Variants in BMP2K observed in about 807,000 individuals in gnomAD.
BMP2K encodes BMP-2-inducible protein kinase.
BMP2K carries 74 observed loss-of-function variants against 116.0 expected under a neutral mutation model. The observed-to-expected ratio is 0.64, with a 90% CI of 0.53 to 0.77. BMP2K has a LOEUF of 0.77. Ranked by LOEUF, BMP2K falls within the 30% of genes least tolerant of loss-of-function variation. BMP2K has a pLI of 0.00. For synonymous variants in BMP2K, 486 were observed against 502.5 expected (o/e 0.97, Z 0.44); for missense variants, 1,365 against 1,403.6 (o/e 0.97, Z 0.44).
intron 3 of BMP2K, among the ~76,000 whole-genome samples, chr4:78,840,354 G>A (rs1016462795): frequency 6.6e-6 from 1 of 152,012 alleles, no homozygotes; most frequent in African/African-American, 2.4e-5. Flanking sequence ...CATACAAAGG[G>A]AGGGACCCAA....
Position 78,872,765 on chromosome 4 carries a change from G to C in BMP2K, c.1760G>C (p.Gly587Ala), listed in dbSNP as rs758503240. 1 of 1,614,032 alleles carries C rather than the reference G, an allele frequency of 6.2e-7. No homozygotes were observed. The highest frequency in any genetic ancestry group is 2.2e-5 in the East Asian group (1 of 44,884). ...ACTTCATCACTTCCAGCTCAGGTTGGAACCATAATGGACTCCTCCTATAGT... is the reference window on the plus strand; with the variant it reads ...ACTTCATCACTTCCAGCTCAGGTTGCAACCATAATGGACTCCTCCTATAGT... The part of the protein sequence containing the change: ...SYTSSLPAQV[G>A]TIMDSSYSAN... Residue 587 changes from glycine to alanine, a missense_variant, in exon 13 of 16, where the codon GGA becomes GCA. By Grantham distance (60) the Gly-to-Ala change is moderately conservative. This residue lies in a region of BMP2K where 762 missense variants were observed against 756.7 expected (regional missense o/e 1.01). Coordinates refer to ENST00000502613, the MANE Select transcript of BMP2K (RefSeq NM_198892.2).
intron 15 of BMP2K, among the ~76,000 whole-genome samples, chr4:78,902,629 T>G (rs1249511054): frequency 6.6e-6 from 1 of 152,160 alleles, no homozygotes; most frequent in African/African-American, 2.4e-5. Flanking sequence ...GCCATTTATC[T>G]TCTATAATCT....
intron 1 of BMP2K, among the ~76,000 whole-genome samples, chr4:78,818,723 G>T (rs950822881): frequency 1.3e-5 from 2 of 150,546 alleles, no homozygotes; most frequent in South Asian, 4.2e-4. Flanking sequence ...ATCAAGCCAT[G>T]TATTCATTTC....
chr4:78,805,903 G>A (rs966610300), intron 1 of BMP2K, among the ~76,000 whole-genome samples: 4 of 152,140 alleles, frequency 2.6e-5, no homozygotes, highest in South Asian at 2.1e-4. Flanking sequence ...TCCGGGAGGC[G>A]GAGGTTGCGG....
chr4:78,884,153 G>T (rs149511027), intron 14 of BMP2K, among the ~76,000 whole-genome samples: 2 of 152,034 alleles, frequency 1.3e-5, no homozygotes, highest in African/African-American at 4.8e-5. Context: ...GCAACATAGA[G>T]CTTATCTCTA....
chr4:78,820,412 G>C (rs1000523544), intron 1 of BMP2K, among the ~76,000 whole-genome samples: 3 of 152,052 alleles, frequency 2.0e-5, no homozygotes, highest in Non-Finnish European at 4.4e-5. Context: ...TGTTCTATGT[G>C]CTGGGTATTT....
intron 1 of BMP2K, among the ~76,000 whole-genome samples, chr4:78,799,942 G>C (rs184286281): frequency 6.6e-6 from 1 of 152,160 alleles, no homozygotes; most frequent in Non-Finnish European, 1.5e-5. Flanking sequence ...AGATTTAGTC[G>C]ATGGAATATT....
intron 1 of BMP2K, among the ~76,000 whole-genome samples, chr4:78,795,600 C>CA (rs1728217423): frequency 6.6e-6 from 1 of 152,084 alleles, no homozygotes; most frequent in African/African-American, 2.4e-5. Flanking sequence ...AGTGAACAGA[C>CA]AACCTACAAA....
rs745602899 is a variant in BMP2K at position 78,829,787 on chromosome 4, T to TTTCTCTTCTCTTCTCTTCTCTTCTC, written c.297+3672_297+3696dup. Among the ~76,000 whole-genome samples the TTTCTCTTCTCTTCTCTTCTCTTCTC allele has an allele frequency of 2.9e-3, 252 of 86,632 alleles. 8 individuals are homozygous for TTTCTCTTCTCTTCTCTTCTCTTCTC. Among genetic ancestry groups the TTTCTCTTCTCTTCTCTTCTCTTCTC allele is most frequent in the East Asian group, 5.0e-3 (12 of 2,406 alleles). The allele number at this position is 86,632 out of a possible 152,430, so 56.8% of individuals were successfully genotyped here. A position where few individuals can be genotyped will look rare whatever the true frequency, so the allele number is the denominator to read the frequency against. The stretch of plus-strand genomic sequence containing the variant: ...TTTCTTTTCTTTTCTTTTCTTTTCT[T>TTTCTCTTCTCTTCTCTTCTCTTCTC]TTCTCTTCTCTTCTCTTCTCTTCTC... On this transcript the variant is annotated intron_variant, in intron 2 of 15. Coordinates refer to ENST00000502613, the MANE Select transcript of BMP2K (RefSeq NM_198892.2).
intron 15 of BMP2K, among the ~76,000 whole-genome samples, chr4:78,909,758 C>T (rs1482673746): frequency 6.6e-6 from 1 of 152,194 alleles, no homozygotes; most frequent in Non-Finnish European, 1.5e-5. Context: ...TTTCAGAGCA[C>T]TAGTCACAAT....
intron 15 of BMP2K, among the ~76,000 whole-genome samples, chr4:78,902,066 T>G (rs561143409): frequency 6.6e-6 from 1 of 152,222 alleles, no homozygotes; most frequent in Admixed American, 6.5e-5. Flanking sequence ...TACAATGAGG[T>G]GTATTGTTTA....
chr4:78,911,927 C>T lies in BMP2K; in HGVS notation c.3380C>T (p.Pro1127Leu). The change falls in exon 16 of 16, where the codon CCC (proline) becomes CTC (leucine). Residue 1127 changes from proline to leucine, a missense_variant. This residue lies in a region of BMP2K where 596 missense variants were observed against 623.2 expected (regional missense o/e 0.96). Transcript: ENST00000502613. ...VLKMDDFGAV[P>L]FTELVVQSIT... The stretch of plus-strand genomic sequence containing the variant: ...AAAATGGATGATTTTGGTGCCGTGC[C>T]CTTTACAGAACTTGTGGTGCAAAGC... The T allele has an allele frequency of 6.2e-7, 1 of 1,613,946 alleles. No homozygotes were observed. Among genetic ancestry groups the T allele is most frequent in the Non-Finnish European group, 8.5e-7 (1 of 1,179,870 alleles).
rs1488773371 is a variant in BMP2K, at chr4:78,912,352, G to C, written c.*319G>C. On this transcript the variant is annotated 3_prime_UTR_variant, in exon 16 of 16. Transcript: ENST00000502613. ...TTTCTAGGTGTGTAGCCACTGAGAA[G>C]GGACAGTGAAACTGTTATTTTTGAT... The C allele has an allele frequency of 4.0e-6, 1 of 247,176 alleles. No homozygotes were observed. Among genetic ancestry groups the C allele is most frequent in the Non-Finnish European group, 7.7e-6 (1 of 129,884 alleles). The allele number at this position is 247,176 out of a possible 1,614,324, so 15.3% of individuals were successfully genotyped here.
At chr4:78,880,606 A>G (rs895825673) in intron 14 of BMP2K, among the ~76,000 whole-genome samples, 2 of 152,204 alleles carry the variant, frequency 1.3e-5, no homozygotes, top group Non-Finnish European at 2.9e-5. Flanking sequence ...TAGAATTTGT[A>G]ATGACATCAA....
chr4:78,882,983 T>G (rs10518206), intron 14 of BMP2K, among the ~76,000 whole-genome samples: 9,793 of 152,144 alleles, frequency 0.064, 435 homozygotes, highest in East Asian at 0.22. Context: ...TTCATTAACC[T>G]TTTAGCCTTT....
At chr4:78,897,891 TGA>T (rs1174873234) in intron 15 of BMP2K, among the ~76,000 whole-genome samples, 5 of 152,196 alleles carry the variant, frequency 3.3e-5, no homozygotes, top group African/African-American at 7.2e-5. Context: ...TTGGTTAGGT[TGA>T]GAGAGTCATG....
At chr4:78,784,614 T>C (rs1727651399) in intron 1 of BMP2K, among the ~76,000 whole-genome samples, 2 of 152,244 alleles carry the variant, frequency 1.3e-5, no homozygotes, top group Admixed American at 6.5e-5. Flanking sequence ...AGAGAGACTT[T>C]GTTTTTGGTT....
intron 1 of BMP2K, among the ~76,000 whole-genome samples, chr4:78,786,970 T>C (rs1727761543): frequency 6.6e-6 from 1 of 152,164 alleles, no homozygotes; most frequent in Non-Finnish European, 1.5e-5. Flanking sequence ...TCCAGGCTGG[T>C]TTTGAACTCC....
intron 1 of BMP2K, among the ~76,000 whole-genome samples, chr4:78,815,166 G>A (rs1229541809): frequency 2.0e-5 from 3 of 152,070 alleles, no homozygotes; most frequent in Non-Finnish European, 4.4e-5. Flanking sequence ...ATGGTCAGTC[G>A]AAACTATACA....
Sources: gnomAD v4.1 joint callset for allele counts (sites outside exome capture counted in the v4.1 genomes callset) on GRCh38, gnomAD v4.1.1 for gene constraint, gnomAD v4.1.1 regional missense constraint, MANE v1.5 for transcripts, NCBI Gene and HGNC (gene_info 2026-07-23, HGNC 2026-07-21) for gene names.